FAM171A1: variants seen among roughly 807,000 people sequenced by gnomAD.
The protein encoded by FAM171A1 is family with sequence similarity 171 member A1.
FAM171A1 carries 23 observed loss-of-function variants against 74.9 expected under a neutral mutation model. The observed-to-expected ratio is 0.31, with a 90% CI of 0.22 to 0.44. The LOEUF (loss-of-function observed/expected upper bound fraction) is 0.44, where lower values mean the gene tolerates loss of function less well. FAM171A1 is among the 20% of genes least tolerant of loss of function. The pLI is 1.00. For missense variants in FAM171A1, 1,162 were observed against 1,159.2 expected (o/e 1.00, Z -0.03); for synonymous variants, 527 against 505.7 (o/e 1.04, Z -0.57).
At chr10:15,227,279 G>A (rs929851633) in intron 5 of FAM171A1, among the ~76,000 whole-genome samples, 6 of 152,178 alleles carry the variant, frequency 3.9e-5, no homozygotes, top group African/African-American at 1.4e-4. Context: ...GGGATTATAG[G>A]TGTGAGCCAC....
chr10:15,330,519 G>A (rs1312105374), intron 1 of FAM171A1, among the ~76,000 whole-genome samples: 2 of 152,030 alleles, frequency 1.3e-5, no homozygotes, highest in East Asian at 1.9e-4. Flanking sequence ...AACTTCTTTC[G>A]GCCTTTATTA....
chr10:15,213,433 G>A lies in FAM171A1; in HGVS notation c.2155C>T (p.His719Tyr), dbSNP rs1833920393. ...FVSLDGRSNA[H>Y]VRHSYIDLQR... Reference sequence around the variant, plus strand: ...AGATCAATGTATGAATGTCTAACGTGAGCGTTGGACCTGCCATCCAAGGAG... The same window carrying A: ...AGATCAATGTATGAATGTCTAACGTAAGCGTTGGACCTGCCATCCAAGGAG... Residue 719 changes from histidine (H) to tyrosine (Y), a missense_variant, in exon 8 of 8, where the codon CAC becomes TAC. By Grantham distance (83) the His-to-Tyr change is moderately conservative. Coordinates refer to ENST00000378116, the MANE Select transcript of FAM171A1 (RefSeq NM_001010924.2). The surrounding 1 kb of genome is among the most constrained non-coding windows in gnomAD (Gnocchi z 6.8). 6.2e-7 allele frequency: 1 copy of A among 1,614,124 alleles called. No individual in the cohort carries two copies. The highest frequency in any genetic ancestry group is 1.3e-5 in the African/African-American group (1 of 75,030).
intron 5 of FAM171A1, among the ~76,000 whole-genome samples, chr10:15,223,165 T>C (rs1834061187): frequency 6.6e-6 from 1 of 152,144 alleles, no homozygotes; most frequent in South Asian, 2.1e-4. Flanking sequence ...CAGAGTGAGA[T>C]GCCATCTCTA....
At chr10:15,374,275 C>G (rs1230156827), upstream of FAM171A1, among the ~76,000 whole-genome samples, 1 of 152,164 alleles carries the variant, frequency 6.6e-6, no homozygotes, top group African/African-American at 2.4e-5. Context: ...AGAGGTTAAA[C>G]AATTTGCATA....
intron 4 of FAM171A1, among the ~76,000 whole-genome samples, chr10:15,253,364 G>A (rs958368316): frequency 1.3e-5 from 2 of 152,126 alleles, no homozygotes; most frequent in African/African-American, 4.8e-5. Flanking sequence ...CACATTTCAA[G>A]TAATAGTCAA....
In FAM171A1 at chr10:15,302,869, C is replaced by T. The variant is rs892333547; in HGVS notation, c.98-18764G>A. On this transcript the variant is annotated intron_variant, in intron 1 of 7. Transcript: ENST00000378116. ...GGAACAGCATGGTAAACTATGCTGA[C>T]GCCTACAAGTCATGAAACCTTAAAA... is the stretch of plus-strand genomic sequence containing the variant. 1.4e-4 allele frequency among the ~76,000 whole-genome samples: 21 copies of T among 152,290 alleles called. No individual in the cohort carries two copies. In the East Asian group the frequency reaches 2.7e-3, roughly 20 times the overall value.
At chr10:15,228,834 C>T (rs1214786054) in intron 5 of FAM171A1, among the ~76,000 whole-genome samples, 1 of 152,198 alleles carries the variant, frequency 6.6e-6, no homozygotes, top group Non-Finnish European at 1.5e-5. Context: ...GAGGATGACA[C>T]AGAAGAGGAG....
intron 1 of FAM171A1, among the ~76,000 whole-genome samples, chr10:15,359,398 G>C (rs1835967783): frequency 1.3e-5 from 2 of 152,094 alleles, no homozygotes; most frequent in Admixed American, 6.5e-5. Flanking sequence ...GGAGGGAAGG[G>C]ACAGGGAAGT....
chr10:15,363,893 C>T (rs997681704), intron 1 of FAM171A1, among the ~76,000 whole-genome samples: 1 of 152,206 alleles, frequency 6.6e-6, no homozygotes, highest in Non-Finnish European at 1.5e-5. Context: ...CACAGCGCTC[C>T]TCCCTCATCA....
At chr10:15,359,462 A>G (rs552099885) in intron 1 of FAM171A1, among the ~76,000 whole-genome samples, 1 of 152,124 alleles carries the variant, frequency 6.6e-6, no homozygotes, top group African/African-American at 2.4e-5. Context: ...CTCCTTCTCA[A>G]CATCCTCAAG....
At chr10:15,241,880 T>C (rs1297590662) in intron 5 of FAM171A1, 1 of 152,204 alleles carries the variant, frequency 6.6e-6, no homozygotes, top group Non-Finnish European at 1.5e-5. Context: ...TACCCCTTGA[T>C]CAACATTCCC....
upstream of FAM171A1, among the ~76,000 whole-genome samples, chr10:15,373,402 C>T (rs185995159): frequency 7.4e-4 from 113 of 152,318 alleles, 2 homozygotes; most frequent in East Asian, 0.021. Flanking sequence ...GATGAACAAA[C>T]CGAGGCTTGG....
chr10:15,327,842 C>T (rs555597726), intron 1 of FAM171A1, among the ~76,000 whole-genome samples: 32 of 150,824 alleles, frequency 2.1e-4, no homozygotes, highest in Non-Finnish European at 3.8e-4. Context: ...ACCTGGGTGA[C>T]AAAATTATCT....
At position 15,223,254 on chromosome 10, in the gene FAM171A1, G is replaced by A. The variant is rs145883699; in HGVS notation, c.755-2194C>T. Among the ~76,000 whole-genome samples, 29 of 152,300 alleles carry A rather than the reference G, an allele frequency of 1.9e-4. No homozygotes were observed. In the East Asian group the frequency reaches 5.2e-3, roughly 27 times the overall value. ...TTCCTCAAAGGTAGAGAATGTTTGC[G>A]ACTGCTCCTACTCCCGCTCCAGGCT... On this transcript the variant is annotated intron_variant, in intron 5 of 7. Transcript: ENST00000378116.
chr10:15,263,975 CA>C (rs1003958030), intron 3 of FAM171A1, among the ~76,000 whole-genome samples: 2 of 151,772 alleles, frequency 1.3e-5, no homozygotes, highest in Admixed American at 1.3e-4. Flanking sequence ...ACCTACCTAC[CA>C]ACAAAACTAC....
At chr10:15,228,857 G>C (rs1397868709) in intron 5 of FAM171A1, among the ~76,000 whole-genome samples, 1 of 152,210 alleles carries the variant, frequency 6.6e-6, no homozygotes, top group Non-Finnish European at 1.5e-5. Flanking sequence ...GAACGTCCCT[G>C]TGACATCACT....
chr10:15,370,962 C>T lies in FAM171A1; in HGVS notation c.91G>A (p.Ala31Thr), dbSNP rs1836136861. 1.7e-6 allele frequency: 2 copies of T among 1,174,830 alleles called. No homozygotes were observed. The highest frequency in any genetic ancestry group is 2.2e-6 in the Non-Finnish European group (2 of 929,566). The allele number at this position is 1,174,830 out of a possible 1,614,324, so 72.8% of individuals were successfully genotyped here. ...CCCGCCGCCGCCCACTGACCTTGGGCTCCGGCGCCGGGCTCCCGCAGCGTC... is the reference window on the plus strand; with the variant it reads ...CCCGCCGCCGCCCACTGACCTTGGGTTCCGGCGCCGGGCTCCCGCAGCGTC... Reference protein sequence around the residue: ...TKTLREPGAGAQEVTLKVHIS... With the variant: ...TKTLREPGAGTQEVTLKVHIS... The change falls in exon 1 of 8, where the codon GCC becomes ACC. Residue 31 changes from alanine to threonine, a missense_variant. Coordinates refer to ENST00000378116, the MANE Select transcript of FAM171A1 (RefSeq NM_001010924.2).
intron 5 of FAM171A1, among the ~76,000 whole-genome samples, chr10:15,229,435 ATCACCATCG>A (rs1374603791): frequency 1.3e-5 from 2 of 151,202 alleles, no homozygotes; most frequent in African/African-American, 2.4e-5. Flanking sequence ...CACCACCATC[ATCACCATCG>A]TCACCACCAT....
intron 1 of FAM171A1, among the ~76,000 whole-genome samples, chr10:15,318,676 CCCTTT>C (rs929987918): frequency 1.3e-4 from 20 of 152,132 alleles, no homozygotes; most frequent in African/African-American, 4.6e-4. Flanking sequence ...TCTATTTCCT[CCCTTT>C]CAAGTGTGTT....
Sources: allele counts gnomAD v4.1 joint callset (sites outside exome capture counted in the v4.1 genomes callset), GRCh38; gene constraint gnomAD v4.1.1; non-coding constraint Gnocchi (gnomAD v3.1); transcripts MANE v1.5; gene names NCBI Gene and HGNC (gene_info 2026-07-23, HGNC 2026-07-21).